Variants in PEMT observed in about 807,000 individuals in gnomAD.
The protein encoded by PEMT is phosphatidylethanolamine N-methyltransferase, also known as phospholipid methyltransferase.
A neutral mutation model predicts 27.4 loss-of-function variants in PEMT; 23 were observed. The observed-to-expected ratio is 0.84, with a 90% CI of 0.60 to 1.19. The LOEUF (loss-of-function observed/expected upper bound fraction) is 1.19, where lower values mean the gene tolerates loss of function less well. Ranked by LOEUF, PEMT falls within the 50% of genes most tolerant of loss-of-function variation. The pLI is 0.00. For synonymous variants in PEMT, 137 were observed against 139.1 expected (o/e 0.98, Z 0.11); for missense variants, 307 against 310.1 (o/e 0.99, Z 0.07).
intron 2 of PEMT, among the ~76,000 whole-genome samples, chr17:17,556,078 T>A (rs1910031077): frequency 6.6e-6 from 1 of 152,216 alleles, no homozygotes; most frequent in Non-Finnish European, 1.5e-5. Context: ...CAAGCAGCAG[T>A]CACACGTCGC....
intron 2 of PEMT, among the ~76,000 whole-genome samples, chr17:17,572,303 C>A (rs536974223): frequency 2.6e-5 from 4 of 152,342 alleles, no homozygotes; most frequent in African/African-American, 9.6e-5. Context: ...TGACTCAGAT[C>A]ATGCCACCTC....
chr17:17,586,818 C>T (rs1404123413), intron 1 of PEMT, among the ~76,000 whole-genome samples: 1 of 152,094 alleles, frequency 6.6e-6, no homozygotes, highest in African/African-American at 2.4e-5. Context: ...GCCCGGCCAA[C>T]ATGGTGAAAC....
At chr17:17,591,816 G>A, upstream of PEMT, 1 of 1,409,684 alleles carries the variant, frequency 7.1e-7, no homozygotes, top group Non-Finnish European at 9.2e-7. Context: ...GCTCGCGACA[G>A]CGTCTAGAGG....
At chr17:17,567,170 G>T (rs984107446) in intron 2 of PEMT, among the ~76,000 whole-genome samples, 2 of 152,236 alleles carry the variant, frequency 1.3e-5, no homozygotes, top group Non-Finnish European at 2.9e-5. Flanking sequence ...GGAAGAGATC[G>T]GCTCAGTGGG....
chr17:17,530,502 A>AG (rs1491209057), intron 2 of PEMT, among the ~76,000 whole-genome samples: 1 of 152,120 alleles, frequency 6.6e-6, no homozygotes, highest in East Asian at 1.9e-4. Context: ...CCAAAAAAAA[A>AG]GAGAGAGAAC....
At chr17:17,567,202 G>C (rs980573842) in intron 2 of PEMT, among the ~76,000 whole-genome samples, 2 of 152,256 alleles carry the variant, frequency 1.3e-5, no homozygotes, top group Non-Finnish European at 2.9e-5. Flanking sequence ...CCAGGCTCCA[G>C]GTGGGAGTGC....
At chr17:17,577,802 G>A (rs1329798824) in intron 1 of PEMT, among the ~76,000 whole-genome samples, 7 of 152,076 alleles carry the variant, frequency 4.6e-5, no homozygotes, top group Non-Finnish European at 1.0e-4. Flanking sequence ...CGGATCACGA[G>A]GTCAGGAGAT....
At chr17:17,553,456 T>A (rs1245359416) in intron 2 of PEMT, among the ~76,000 whole-genome samples, 1 of 152,196 alleles carries the variant, frequency 6.6e-6, no homozygotes, top group African/African-American at 2.4e-5. Flanking sequence ...ACACAGGCCC[T>A]TACCAGCGGC....
intron 2 of PEMT, among the ~76,000 whole-genome samples, chr17:17,542,856 G>T (rs990010489): frequency 2.0e-5 from 3 of 152,216 alleles, no homozygotes; most frequent in Admixed American, 2.0e-4. Flanking sequence ...TGCAGGAGCA[G>T]GGCCCAAGGC....
At chr17:17,562,955 AG>A (rs1910593150) in intron 2 of PEMT, among the ~76,000 whole-genome samples, 1 of 121,124 alleles carries the variant, frequency 8.3e-6, no homozygotes, top group African/African-American at 4.4e-5. Flanking sequence ...ACCTGCATGC[AG>A]CCATCCTTTC....
At chr17:17,577,668 G>C (rs994857470) in intron 1 of PEMT, among the ~76,000 whole-genome samples, 1 of 118,726 alleles carries the variant, frequency 8.4e-6, no homozygotes, top group Non-Finnish European at 1.8e-5. Flanking sequence ...AAGAAATGAA[G>C]AAAAAAAAAA....
chr17:17,586,826 A>G (rs749118622), intron 1 of PEMT, among the ~76,000 whole-genome samples: 9 of 152,106 alleles, frequency 5.9e-5, no homozygotes, highest in Non-Finnish European at 1.2e-4. Flanking sequence ...AACATGGTGA[A>G]ACCCCATCTC....
At chr17:17,581,308 C>A (rs146976791) in intron 1 of PEMT, among the ~76,000 whole-genome samples, 18 of 152,218 alleles carry the variant, frequency 1.2e-4, no homozygotes, top group Non-Finnish European at 2.5e-4. Context: ...TGTCAGTGAG[C>A]GCAGACCTAT....
chr17:17,545,621 C>T (rs931042533), intron 2 of PEMT, among the ~76,000 whole-genome samples: 2 of 152,230 alleles, frequency 1.3e-5, no homozygotes, highest in African/African-American at 2.4e-5. Flanking sequence ...GGGGCCGGGT[C>T]CAGCCCATGA....
Position 17,561,897 on chromosome 17 carries a change from G to A in PEMT, c.204+15023C>T, listed in dbSNP as rs530963213. Among the ~76,000 whole-genome samples, 8 of 152,328 alleles carry A rather than the reference G, an allele frequency of 5.3e-5. No individual in the cohort carries two copies. The East Asian group carries it at 1.4e-3, about 26-fold the overall frequency. On this transcript the variant is annotated intron_variant, in intron 2 of 6. Transcript: ENST00000255389. This position sits in a 1 kb window ranked among gnomAD's most constrained non-coding sequence, Gnocchi z 4.5. ...CCAGTCATAATATTGACACAGGCAG[G>A]GCACACAGCAGCCGGGAAGCTGGGC... is the stretch of plus-strand genomic sequence containing the variant.
chr17:17,530,836 G>A (rs1908037390), intron 2 of PEMT, among the ~76,000 whole-genome samples: 1 of 151,940 alleles, frequency 6.6e-6, no homozygotes, highest in Admixed American at 6.6e-5. Context: ...TGGAAATATT[G>A]GTATGAATTC....
At chr17:17,586,222 AAGAAAGAAAGAAAG>A (rs1912257154) in intron 1 of PEMT, among the ~76,000 whole-genome samples, 1 of 57,334 alleles carries the variant, frequency 1.7e-5, no homozygotes, top group East Asian at 4.2e-4. Context: ...AAGAAAAAGA[AAGAAAGAAAGAAAG>A]AAAGAAAGAA....
rs1303208482 is a variant in PEMT at position 17,577,799 on chromosome 17, C to T, written c.97-772G>A. On this transcript the variant is annotated intron_variant, in intron 1 of 6. Transcript: ENST00000255389. ...TTGGGAGGCCGAGGCGGGCGGATCA[C>T]GAGGTCAGGAGATCAAGACCATCCT... Among the ~76,000 whole-genome samples the T allele has an allele frequency of 5.3e-5, 8 of 151,984 alleles. No homozygotes were observed. The East Asian group carries it at 9.7e-4, about 18-fold the overall frequency.
At chr17:17,578,621 G>T (rs1911777658) in intron 1 of PEMT, 1 of 152,110 alleles carries the variant, frequency 6.6e-6, no homozygotes, top group African/African-American at 2.4e-5. Context: ...TATAAAATAA[G>T]TGTAAAGTTG....
Sources: gnomAD v4.1 joint callset for allele counts (sites outside exome capture counted in the v4.1 genomes callset) on GRCh38, gnomAD v4.1.1 for gene constraint, Gnocchi (gnomAD v3.1) non-coding constraint, MANE v1.5 for transcripts, NCBI Gene and HGNC (gene_info 2026-07-23, HGNC 2026-07-21) for gene names.